PCDHA8: variants seen among roughly 807,000 people sequenced by gnomAD.
PCDHA8 encodes the protein protocadherin alpha-8.
PCDHA8 carries 53 observed loss-of-function variants against 61.8 expected under a neutral mutation model. The observed-to-expected ratio is 0.86, with a 90% CI of 0.69 to 1.08. PCDHA8 has a LOEUF of 1.08. Ranked by LOEUF, PCDHA8 falls within the 50% of genes least tolerant of loss-of-function variation. The probability of loss-of-function intolerance (pLI) is 0.00; values close to 1 mark genes in which losing one functional copy is unlikely to be tolerated. For synonymous variants in PCDHA8, 618 were observed against 556.6 expected (o/e 1.11, Z -1.55); for missense variants, 1,293 against 1,245.0 (o/e 1.04, Z -0.58).
chr5:140,947,277 T>C (rs1272482991), intron 1 of PCDHA8, among the ~76,000 whole-genome samples: 3 of 151,662 alleles, frequency 2.0e-5, no homozygotes, highest in African/African-American at 7.2e-5. Context: ...AAATACTTTT[T>C]CTTTTTATTG....
intron 1 of PCDHA8, among the ~76,000 whole-genome samples, chr5:140,947,710 A>G (rs2094165762): frequency 6.6e-6 from 1 of 151,556 alleles, no homozygotes; most frequent in African/African-American, 2.4e-5. Context: ...TTAAGTATTG[A>G]GGTTTCAAAA....
At position 140,853,369 on chromosome 5, in the gene PCDHA8, T is replaced by A. The variant is rs1471724448; in HGVS notation, c.2394+9654T>A. On this transcript the variant is annotated intron_variant, in intron 1 of 3. Transcript: ENST00000531613. ...ACATGAACTCACAGGGATCCAGAGA[T>A]GGTAAAATTCAAAACAGCCTGTCAA... is the stretch of plus-strand genomic sequence containing the variant. 3.1e-6 allele frequency: 3 copies of A among 982,868 alleles called. 1 individual carries two copies. The highest frequency in any genetic ancestry group is 3.7e-6 in the Non-Finnish European group (3 of 815,606). The allele number at this position is 982,868 out of a possible 1,614,324, so 60.9% of individuals were successfully genotyped here.
chr5:140,946,936 A>T (rs1344601116), intron 1 of PCDHA8, among the ~76,000 whole-genome samples: 1 of 151,482 alleles, frequency 6.6e-6, no homozygotes, highest in Non-Finnish European at 1.5e-5. Context: ...AGTAGAGTGT[A>T]GTTAAGAATA....
intron 1 of PCDHA8, chr5:140,882,402 T>A (rs782437506): frequency 3.7e-6 from 6 of 1,614,052 alleles, no homozygotes; most frequent in South Asian, 1.1e-5. Flanking sequence ...GGCACCTTCG[T>A]GGGCCGCATC....
chr5:140,946,527 G>A (rs1414920308), intron 1 of PCDHA8, among the ~76,000 whole-genome samples: 1 of 150,718 alleles, frequency 6.6e-6, no homozygotes, highest in Non-Finnish European at 1.5e-5. Flanking sequence ...GCACTCCCAT[G>A]TTCATTGCAG....
chr5:140,871,657 T>A, intron 1 of PCDHA8: 1 of 1,228,196 alleles, frequency 8.1e-7, no homozygotes, highest in Non-Finnish European at 1.1e-6. Context: ...ATGATACACA[T>A]CTTCAGTCTT....
intron 3 of PCDHA8, among the ~76,000 whole-genome samples, chr5:141,004,566 T>C (rs2098171206): frequency 6.6e-6 from 1 of 152,186 alleles, no homozygotes; most frequent in Non-Finnish European, 1.5e-5. Context: ...GATGAACATA[T>C]CTCTGTGTTC....
chr5:140,929,511 G>T, intron 1 of PCDHA8: 1 of 781,088 alleles, frequency 1.3e-6, no homozygotes, highest in Non-Finnish European at 1.8e-6. Flanking sequence ...AGGCCTCAAG[G>T]GACTTATAGT....
chr5:140,918,572 G>T (rs2153549346), intron 1 of PCDHA8, among the ~76,000 whole-genome samples: 1 of 152,264 alleles, frequency 6.6e-6, no homozygotes, highest in Middle Eastern at 3.4e-3. Context: ...ATATTATGCT[G>T]CTATTGGCTA....
intron 1 of PCDHA8, among the ~76,000 whole-genome samples, chr5:140,888,358 C>T (rs2061801167): frequency 6.6e-6 from 1 of 152,178 alleles, no homozygotes; most frequent in Non-Finnish European, 1.5e-5. Flanking sequence ...TTGCTACTGG[C>T]ATCTAATAAT....
chr5:140,884,271 C>T, intron 1 of PCDHA8: 1 of 1,613,540 alleles, frequency 6.2e-7, no homozygotes, highest in Non-Finnish European at 8.5e-7. Flanking sequence ...GTGCTGTTGT[C>T]GCTGGTGGAG....
At chr5:140,928,603 C>T in intron 1 of PCDHA8, 2 of 1,614,208 alleles carry the variant, frequency 1.2e-6, no homozygotes, top group Admixed American at 3.3e-5. Context: ...GGAAATTGTG[C>T]CCCGCTCTGC....
chr5:140,899,253 A>T (rs1340284203), intron 1 of PCDHA8, among the ~76,000 whole-genome samples: 1 of 152,284 alleles, frequency 6.6e-6, no homozygotes, highest in East Asian at 1.9e-4. Context: ...GAGAGAGGGC[A>T]TCCCTGTCTT....
intron 1 of PCDHA8, chr5:140,858,332 C>T: frequency 6.3e-7 from 1 of 1,596,258 alleles, no homozygotes; most frequent in East Asian, 2.2e-5. Context: ...TGGGGAGGGC[C>T]TGCCCAAGGC....
intron 1 of PCDHA8, chr5:140,967,963 A>C (rs1554230144): frequency 6.2e-7 from 1 of 1,614,210 alleles, no homozygotes; most frequent in South Asian, 1.1e-5. Context: ...CCAACCGGAA[A>C]GTGAGCCTGG....
intron 1 of PCDHA8, among the ~76,000 whole-genome samples, chr5:140,919,699 C>T (rs946203919): frequency 3.3e-5 from 5 of 152,084 alleles, no homozygotes; most frequent in African/African-American, 1.2e-4. Context: ...TTTATATTAA[C>T]TTAATTCTAG....
intron 1 of PCDHA8, chr5:140,875,955 T>C: frequency 6.2e-7 from 1 of 1,614,158 alleles, no homozygotes; most frequent in African/African-American, 1.3e-5. Flanking sequence ...CTGATGCGGA[T>C]ATCGGCGTAA....
intron 1 of PCDHA8, among the ~76,000 whole-genome samples, chr5:140,855,580 ATAT>A (rs1320529577): frequency 6.7e-6 from 1 of 149,924 alleles, no homozygotes; most frequent in Non-Finnish European, 1.5e-5. Flanking sequence ...ATTTAATAAA[ATAT>A]TAGTATACTC....
chr5:140,940,844 T>C (rs942965203), intron 1 of PCDHA8, among the ~76,000 whole-genome samples: 1 of 152,228 alleles, frequency 6.6e-6, no homozygotes. Flanking sequence ...TTCTTCACGA[T>C]AGATTTTTAT....
Sources: gnomAD v4.1 joint callset for allele counts (sites outside exome capture counted in the v4.1 genomes callset) on GRCh38, gnomAD v4.1.1 for gene constraint, MANE v1.5 for transcripts, NCBI Gene and HGNC (gene_info 2026-07-23, HGNC 2026-07-21) for gene names.